The following TRPM3 variants were observed in gnomAD, a reference collection of about 807,000 sequenced individuals.
TRPM3 encodes the protein long transient receptor potential channel 3.
In TRPM3, 77 loss-of-function variants were observed where a neutral mutation model predicts 181.2. The observed-to-expected ratio is 0.42, with a 90% CI of 0.35 to 0.51. TRPM3 has a LOEUF of 0.51. Ranked by LOEUF, TRPM3 falls within the 20% of genes least tolerant of loss-of-function variation. TRPM3 has a pLI of 0.01. For missense variants in TRPM3, 1,759 were observed against 2,196.7 expected (o/e 0.80, Z 3.98); for synonymous variants, 745 against 796.4 (o/e 0.94, Z 1.09).
chr9:71,309,797 A>C (rs1446231166), intron 1 of TRPM3, among the ~76,000 whole-genome samples: 2 of 145,774 alleles, frequency 1.4e-5, no homozygotes, highest in Non-Finnish European at 3.1e-5. Context: ...AAATGCCATG[A>C]AAGTATCATG....
chr9:71,046,732 C>T (rs2059485567), intron 1 of TRPM3, among the ~76,000 whole-genome samples: 1 of 152,058 alleles, frequency 6.6e-6, no homozygotes, highest in South Asian at 2.1e-4. Context: ...CCCTTGAGGC[C>T]CTTATAATTT....
intron 1 of TRPM3, among the ~76,000 whole-genome samples, chr9:71,026,715 G>A (rs2056569394): frequency 6.6e-6 from 1 of 152,142 alleles, no homozygotes; most frequent in African/African-American, 2.4e-5. Context: ...GCTGACACCG[G>A]TGCAAAGAAA....
chr9:70,846,710 A>AT, intron 3 of TRPM3, 119 bp from the exon 4 acceptor site: 3 of 775,420 alleles, frequency 3.9e-6, no homozygotes, highest in East Asian at 5.3e-5. Context: ...ATAAAATCAG[A>AT]TTTTTTTAAA....
At position 71,392,140 on chromosome 9, in the gene TRPM3, G is replaced by A. The variant is rs111647649; in HGVS notation, c.183+54513C>T. Among the ~76,000 whole-genome samples the A allele has an allele frequency of 5.5e-4, 84 of 152,194 alleles. 1 individual carries two copies. The highest frequency in any genetic ancestry group is 1.9e-3 in the African/African-American group (79 of 41,546). ...TATGACAATGAAAATTAGGCAGACT[G>A]TGGTGAAATAGAGTGTGCTTGCCCC... is the stretch of plus-strand genomic sequence containing the variant. On this transcript the variant is annotated intron_variant, in intron 1 of 24. Coordinates refer to the TRPM3 transcript ENST00000357533.
At chr9:70,917,398 TG>T in intron 1 of TRPM3, 1 of 874,436 alleles carries the variant, frequency 1.1e-6, no homozygotes, top group Non-Finnish European at 2.0e-6. Flanking sequence ...AAGAGCTCAG[TG>T]GGGACACCAC....
chr9:71,237,583 TG>T (rs992837585), intron 1 of TRPM3, among the ~76,000 whole-genome samples: 3 of 152,164 alleles, frequency 2.0e-5, no homozygotes, highest in African/African-American at 7.2e-5. Context: ...TTTAAAGTTT[TG>T]ATACCATTTT....
chr9:71,243,270 G>A (rs2081826897), intron 1 of TRPM3, among the ~76,000 whole-genome samples: 1 of 152,262 alleles, frequency 6.6e-6, no homozygotes, highest in African/African-American at 2.4e-5. Flanking sequence ...TTGAACTCCT[G>A]ACCTCAGCCT....
chr9:71,385,883 G>C (rs10781017), intron 1 of TRPM3, among the ~76,000 whole-genome samples: 3 of 151,102 alleles, frequency 2.0e-5, no homozygotes, highest in Non-Finnish European at 4.4e-5. Context: ...TTTTTTTGGT[G>C]GGGGGTAGAG....
intron 6 of TRPM3, among the ~76,000 whole-genome samples, chr9:70,810,911 G>T (rs538104): frequency 0.23 from 34,745 of 152,082 alleles, 4,757 homozygotes; most frequent in Middle Eastern, 0.4. Context: ...CTAGCATGGT[G>T]CTTGGAACCT....
At chr9:70,776,182 A>G (rs1040496453) in intron 7 of TRPM3, 15 of 352,578 alleles carry the variant, frequency 4.3e-5, no homozygotes, top group Non-Finnish European at 6.5e-5. Flanking sequence ...CCTTGTCTGT[A>G]TTACATATTG....
intron 1 of TRPM3, among the ~76,000 whole-genome samples, chr9:70,956,434 GA>G (rs2097073244): frequency 1.3e-5 from 2 of 151,534 alleles, no homozygotes; most frequent in African/African-American, 4.8e-5. Context: ...AAGGCAAATG[GA>G]ATAGTTGTAG....
chr9:71,024,025 T>C (rs984907482), intron 1 of TRPM3, among the ~76,000 whole-genome samples: 6 of 152,226 alleles, frequency 3.9e-5, no homozygotes, highest in African/African-American at 1.4e-4. Context: ...GAGTGGTGGA[T>C]TGTACAATGT....
intron 1 of TRPM3, among the ~76,000 whole-genome samples, chr9:71,154,326 C>T (rs142798934): frequency 7.9e-5 from 12 of 152,214 alleles, no homozygotes; most frequent in African/African-American, 2.2e-4. Context: ...CATCACTCAA[C>T]CATTCATTAA....
At chr9:71,186,267 T>A (rs2077673357) in intron 1 of TRPM3, among the ~76,000 whole-genome samples, 1 of 152,076 alleles carries the variant, frequency 6.6e-6, no homozygotes, top group South Asian at 2.1e-4. Flanking sequence ...TATGGGAGGT[T>A]ATGGCTTCAA....
intron 1 of TRPM3, among the ~76,000 whole-genome samples, chr9:71,139,294 G>GT (rs1476775994): frequency 1.3e-5 from 2 of 152,122 alleles, no homozygotes; most frequent in African/African-American, 4.8e-5. Context: ...ATCTCAAGAG[G>GT]TTTTCTCCTA....
chr9:70,561,857 T>C (rs1312081484), intron 22 of TRPM3, among the ~76,000 whole-genome samples: 1 of 151,264 alleles, frequency 6.6e-6, no homozygotes, highest in South Asian at 2.1e-4. Flanking sequence ...AACTAGATAG[T>C]AAGGGATGAC....
At chr9:71,224,486 C>T (rs1252069987) in intron 1 of TRPM3, among the ~76,000 whole-genome samples, 1 of 152,118 alleles carries the variant, frequency 6.6e-6, no homozygotes, top group Non-Finnish European at 1.5e-5. Context: ...TTTTTCAATG[C>T]CCAGACACTT....
chr9:71,442,265 T>C (rs968788359), intron 1 of TRPM3, among the ~76,000 whole-genome samples: 1 of 152,160 alleles, frequency 6.6e-6, no homozygotes, highest in Non-Finnish European at 1.5e-5. Flanking sequence ...GAAGCAAGAG[T>C]GCTGTCTAAG....
At chr9:71,120,778 T>C (rs2073467726) in intron 1 of TRPM3, among the ~76,000 whole-genome samples, 1 of 152,202 alleles carries the variant, frequency 6.6e-6, no homozygotes, top group Non-Finnish European at 1.5e-5. Flanking sequence ...GTCGAAGGGC[T>C]TCCCCAGGGA....
Sources: gnomAD v4.1 joint callset for allele counts (sites outside exome capture counted in the v4.1 genomes callset) on GRCh38, gnomAD v4.1.1 for gene constraint, MANE v1.5 for transcripts, NCBI Gene and HGNC (gene_info 2026-07-23, HGNC 2026-07-21) for gene names.